The following ALKAL1 variants were observed in gnomAD, a reference collection of about 807,000 sequenced individuals.
ALKAL1 encodes ALK and LTK ligand 1.
In ALKAL1, 23 loss-of-function variants were observed where a neutral mutation model predicts 13.5. That is an observed-to-expected ratio of 1.70 (90% CI 1.23 to 2.41). The LOEUF is 2.41. Among genes scored for constraint, ALKAL1 ranks in the 30% most tolerant of loss-of-function variants. The pLI is 0.00. For missense variants in ALKAL1, 181 were observed against 178.4 expected, an observed-to-expected ratio of 1.01 and a Z score of -0.08; for synonymous variants, 85 against 77.7, an observed-to-expected ratio of 1.09 and a Z score of -0.49.
In ALKAL1 at chr8:52,539,874, G is replaced by A; in HGVS notation, c.282C>T (p.Phe94=). The A allele has an allele frequency of 6.2e-7, 1 of 1,613,754 alleles. No homozygotes were observed. Among genetic ancestry groups the A allele is most frequent in the Non-Finnish European group, 8.5e-7 (1 of 1,179,898 alleles). Residue 94 remains phenylalanine, a synonymous_variant, in exon 3 of 5, where the codon TTC becomes TTT. Transcript: ENST00000358543. The part of the protein sequence containing the change: ...VTFSPECSKH[F]HRLYYNTREC... Reference sequence around the variant, plus strand: ...CCCTGGTATTGTAATAGAGTCGGTGGAAATGTTTGCTGCATTCTGGTGAAA... The same window carrying A: ...CCCTGGTATTGTAATAGAGTCGGTGAAAATGTTTGCTGCATTCTGGTGAAA...
intron 2 of ALKAL1, 59 bp downstream of exon 2, chr8:52,542,333 T>A: frequency 8.9e-7 from 1 of 1,126,548 alleles, no homozygotes; most frequent in Non-Finnish European, 1.3e-6. Context: ...CCTGACATAG[T>A]ATTCTGCACA....
At chr8:52,537,384 G>A (rs1847274637) in intron 4 of ALKAL1, among the ~76,000 whole-genome samples, 1 of 152,130 alleles carries the variant, frequency 6.6e-6, no homozygotes, top group Non-Finnish European at 1.5e-5. Context: ...ATGTAAATTA[G>A]TACAGCCATT....
At chr8:52,535,104 A>C (rs988618822) in intron 4 of ALKAL1, among the ~76,000 whole-genome samples, 1 of 152,174 alleles carries the variant, frequency 6.6e-6, no homozygotes, top group Admixed American at 6.6e-5. Context: ...TGTTTGGGAA[A>C]ACTTTTCCAG....
At position 52,565,121 on chromosome 8, in the gene ALKAL1, G is replaced by C. The variant is rs573676247; in HGVS notation, c.136C>G (p.Leu46Val). The change falls in exon 1 of 5, where the codon CTT becomes GTT. Residue 46 changes from leucine to valine, a missense_variant. Coordinates refer to ENST00000358543, the MANE Select transcript of ALKAL1 (RefSeq NM_207413.4). Reference sequence around the variant, plus strand: ...CCGGCCCCGGCCGCGGGGAGGAAAAGCAACGGCTTGGGCTCCTTATCCGTG... The same window carrying C: ...CCGGCCCCGGCCGCGGGGAGGAAAACCAACGGCTTGGGCTCCTTATCCGTG... ...RVTDKEPKPL[L>V]FLPAAGAGRT... 37 of 1,415,650 alleles carry C rather than the reference G, an allele frequency of 2.6e-5. No homozygotes were observed. In the East Asian group the frequency reaches 4.0e-4, roughly 15 times the overall value. The allele number at this position is 1,415,650 out of a possible 1,614,324, so 87.7% of individuals were successfully genotyped here.
intron 3 of ALKAL1, among the ~76,000 whole-genome samples, chr8:52,539,549 C>T (rs566005968): frequency 1.3e-5 from 2 of 152,004 alleles, no homozygotes; most frequent in African/African-American, 2.4e-5. Flanking sequence ...CCAAGGAATT[C>T]GAATCATGAT....
intron 1 of ALKAL1, among the ~76,000 whole-genome samples, chr8:52,563,800 C>T (rs144749510): frequency 1.7e-3 from 262 of 152,232 alleles, no homozygotes; most frequent in African/African-American, 6.0e-3. Context: ...GGGCAGCCCA[C>T]CTCAGCCTCC....
At position 52,552,267 on chromosome 8, in the gene ALKAL1, C is replaced by T. The variant is rs150596531; in HGVS notation, c.191-9822G>A. On this transcript the variant is annotated intron_variant, in intron 1 of 4. Transcript: ENST00000358543. ...TACGGGTGTTAGGGAGGAAGACCACCGAGGCAAATGCCATTTTCATCACAT... is the reference window on the plus strand; with the variant it reads ...TACGGGTGTTAGGGAGGAAGACCACTGAGGCAAATGCCATTTTCATCACAT... Among the ~76,000 whole-genome samples the T allele has an allele frequency of 2.0e-4, 31 of 152,236 alleles. No individual in the cohort carries two copies. In the East Asian group the frequency reaches 3.1e-3, roughly 15 times the overall value.
chr8:52,557,261 C>T (rs886488602), intron 1 of ALKAL1, among the ~76,000 whole-genome samples: 1 of 152,202 alleles, frequency 6.6e-6, no homozygotes, highest in East Asian at 1.9e-4. Flanking sequence ...GCTCCTAGGC[C>T]AGGAGCCTGG....
Position 52,546,648 on chromosome 8 carries a change from G to A in ALKAL1, c.191-4203C>T, listed in dbSNP as rs2150345184. Among the ~76,000 whole-genome samples the A allele has an allele frequency of 1.3e-5, 2 of 152,286 alleles. 1 individual carries two copies. The highest frequency in any genetic ancestry group is 6.8e-3 in the Middle Eastern group (2 of 294). ...GTTCTCCCTTGCACTTACCTATTTA[G>A]GGAAATTTTAGGTTATTAGCAAATC... On this transcript the variant is annotated intron_variant, in intron 1 of 4. Transcript: ENST00000358543.
chr8:52,540,521 T>C (rs1348227862), intron 2 of ALKAL1, among the ~76,000 whole-genome samples: 6 of 150,686 alleles, frequency 4.0e-5, no homozygotes, highest in Non-Finnish European at 8.9e-5. Flanking sequence ...AGCCCAGGAG[T>C]TCAAGAACAG....
chr8:52,540,307 A>C lies in ALKAL1; in HGVS notation c.245-396T>G, dbSNP rs553385532. On this transcript the variant is annotated intron_variant, in intron 2 of 4. Transcript: ENST00000358543. ...TAATAGCAATTAATGTTTACATGCC[A>C]AGACATTTATTCCATTTTCTAATTA... Among the ~76,000 whole-genome samples, 8 of 152,346 alleles carry C rather than the reference A, an allele frequency of 5.3e-5. No individual in the cohort carries two copies. In the East Asian group the frequency reaches 1.5e-3, roughly 29 times the overall value.
chr8:52,554,390 A>G (rs1332859122), intron 1 of ALKAL1, among the ~76,000 whole-genome samples: 2 of 152,242 alleles, frequency 1.3e-5, no homozygotes, highest in African/African-American at 4.8e-5. Context: ...TTCTTGGATT[A>G]GGCAGTGACA....
At chr8:52,561,560 C>T (rs762158245) in intron 1 of ALKAL1, among the ~76,000 whole-genome samples, 99 of 152,214 alleles carry the variant, frequency 6.5e-4, no homozygotes, top group East Asian at 9.7e-4. Flanking sequence ...TGAGAGCTGC[C>T]GAAAGGTAAG....
chr8:52,541,366 G>A (rs571992394), intron 2 of ALKAL1, among the ~76,000 whole-genome samples: 3 of 152,284 alleles, frequency 2.0e-5, no homozygotes, highest in African/African-American at 4.8e-5. Context: ...CTGCTTCGGA[G>A]GCTGAGGTGG....
chr8:52,558,347 CA>C (rs398007812), intron 1 of ALKAL1, among the ~76,000 whole-genome samples: 591 of 18,850 alleles, frequency 0.031, 4 homozygotes, highest in African/African-American at 0.096. Flanking sequence ...GACTCCATCT[CA>C]AAAAAAAAAA....
At chr8:52,547,656 T>C (rs58670099) in intron 1 of ALKAL1, among the ~76,000 whole-genome samples, 2 of 152,282 alleles carry the variant, frequency 1.3e-5, no homozygotes, top group East Asian at 1.9e-4. Context: ...AAATGTTTAG[T>C]AGCCACATTC....
In ALKAL1 at chr8:52,544,568, G is replaced by A. The variant is rs113786955; in HGVS notation, c.191-2123C>T. ...AAGGCTTTAGGCAAAGGAATGGTAC[G>A]GTTAAGCTATTTTCAAAAGACCGTT... is the stretch of plus-strand genomic sequence containing the variant. On this transcript the variant is annotated intron_variant, in intron 1 of 4. Coordinates refer to ENST00000358543, the MANE Select transcript of ALKAL1 (RefSeq NM_207413.4). Among the ~76,000 whole-genome samples, 11 of 152,238 alleles carry A rather than the reference G, an allele frequency of 7.2e-5. No homozygotes were observed. In the Middle Eastern group the frequency reaches 0.01, roughly 141 times the overall value.
chr8:52,555,582 C>G (rs918854315), intron 1 of ALKAL1, among the ~76,000 whole-genome samples: 1 of 152,184 alleles, frequency 6.6e-6, no homozygotes, highest in Non-Finnish European at 1.5e-5. Flanking sequence ...CAATGCAGAG[C>G]CCACACCTTC....
intron 3 of ALKAL1, among the ~76,000 whole-genome samples, chr8:52,539,208 A>T (rs1357189446): frequency 6.6e-6 from 1 of 152,220 alleles, no homozygotes; most frequent in East Asian, 1.9e-4. Flanking sequence ...AATGCTTAGA[A>T]TTCATGTTCT....
Sources: allele counts gnomAD v4.1 joint callset (sites outside exome capture counted in the v4.1 genomes callset), GRCh38; gene constraint gnomAD v4.1.1; transcripts MANE v1.5; gene names NCBI Gene and HGNC (gene_info 2026-07-23, HGNC 2026-07-21).